CSMD1: variants seen among roughly 807,000 people sequenced by gnomAD.
CSMD1 encodes CUB and sushi domain-containing protein 1.
A neutral mutation model predicts 417.5 loss-of-function variants in CSMD1; 213 were observed. The ratio of observed to expected loss-of-function variants is 0.51; its 90% CI spans 0.46 to 0.57. CSMD1 has a LOEUF of 0.57. Among genes scored for constraint, CSMD1 ranks in the 20% least tolerant of loss-of-function variants. The pLI, the probability that CSMD1 is intolerant of heterozygous loss-of-function variation, is 0.00. For missense variants in CSMD1, 6,923 were observed against 4,529.7 expected (o/e 1.53, Z -15.17); for synonymous variants, 2,862 against 1,736.8 (o/e 1.65, Z -16.11).
chr8:3,671,534 T>TG (rs1799049817), intron 7 of CSMD1, among the ~76,000 whole-genome samples: 1 of 9,418 alleles, frequency 1.1e-4, no homozygotes, highest in Non-Finnish European at 2.0e-4. Flanking sequence ...TGATCATATA[T>TG]ATATATATAT....
At chr8:4,110,432 T>C (rs1801791217) in intron 3 of CSMD1, among the ~76,000 whole-genome samples, 1 of 152,148 alleles carries the variant, frequency 6.6e-6, no homozygotes, top group Non-Finnish European at 1.5e-5. Flanking sequence ...ATCTACATTT[T>C]CATTACTTTT....
At chr8:4,045,184 G>C (rs570129416) in intron 3 of CSMD1, among the ~76,000 whole-genome samples, 14 of 152,246 alleles carry the variant, frequency 9.2e-5, no homozygotes, top group Non-Finnish European at 2.1e-4. Flanking sequence ...CGGGTGCTGA[G>C]GTACTCATCT....
At chr8:4,230,015 G>T (rs973084524) in intron 3 of CSMD1, among the ~76,000 whole-genome samples, 1 of 152,136 alleles carries the variant, frequency 6.6e-6, no homozygotes, top group African/African-American at 2.4e-5. Context: ...ATATGATTTT[G>T]CTATTCAACA....
intron 1 of CSMD1, among the ~76,000 whole-genome samples, chr8:4,733,682 C>T (rs543887432): frequency 6.6e-6 from 1 of 152,306 alleles, no homozygotes; most frequent in Non-Finnish European, 1.5e-5. Flanking sequence ...TCACTGACTA[C>T]CTATTTTTCC....
intron 42 of CSMD1, among the ~76,000 whole-genome samples, chr8:3,110,632 G>C (rs1274509729): frequency 1.3e-5 from 2 of 152,084 alleles, no homozygotes; most frequent in Non-Finnish European, 2.9e-5. Flanking sequence ...GTTAACACTT[G>C]TGACCTGCTG....
chr8:3,236,424 T>C (rs937335651), intron 26 of CSMD1, among the ~76,000 whole-genome samples: 2 of 152,126 alleles, frequency 1.3e-5, no homozygotes, highest in Non-Finnish European at 2.9e-5. Flanking sequence ...AAAAAACCAA[T>C]AAGAAGGCTT....
At chr8:3,016,266 A>G (rs940004712) in intron 52 of CSMD1, among the ~76,000 whole-genome samples, 2 of 152,192 alleles carry the variant, frequency 1.3e-5, no homozygotes, top group African/African-American at 4.8e-5. Context: ...ATTTGTGTAG[A>G]TTTAGGATTG....
At chr8:4,787,189 C>G in intron 1 of CSMD1, 1 of 435,748 alleles carries the variant, frequency 2.3e-6, no homozygotes. Context: ...GAAAGAGTGG[C>G]GCAGGGTCGC....
intron 3 of CSMD1, among the ~76,000 whole-genome samples, chr8:4,087,907 G>T (rs1358463903): frequency 6.6e-6 from 1 of 152,108 alleles, no homozygotes; most frequent in African/African-American, 2.4e-5. Context: ...TAGAAAAAAG[G>T]ATGCCTGAGG....
At chr8:3,434,439 C>T (rs1483820866) in intron 12 of CSMD1, among the ~76,000 whole-genome samples, 1 of 152,278 alleles carries the variant, frequency 6.6e-6, no homozygotes, top group Admixed American at 6.5e-5. Flanking sequence ...TTATTCCATA[C>T]AAGCCTATAT....
chr8:4,218,425 A>T (rs1309517563), intron 3 of CSMD1, among the ~76,000 whole-genome samples: 2 of 152,168 alleles, frequency 1.3e-5, no homozygotes, highest in African/African-American at 4.8e-5. Context: ...TATATTATAT[A>T]CCTACTTTTA....
chr8:3,912,784 A>T (rs1201672912), intron 5 of CSMD1, among the ~76,000 whole-genome samples: 1 of 152,214 alleles, frequency 6.6e-6, no homozygotes, highest in Admixed American at 6.5e-5. Context: ...ACACGAAGGC[A>T]TGCAATGCTA....
At chr8:4,354,865 AGT>A (rs59255397) in intron 3 of CSMD1, among the ~76,000 whole-genome samples, 7,689 of 129,372 alleles carry the variant, frequency 0.059, 259 homozygotes, top group Middle Eastern at 0.11. Flanking sequence ...AGGAAAATGT[AGT>A]GTGTGTGTGT....
At chr8:4,401,366 A>T (rs890266412) in intron 3 of CSMD1, among the ~76,000 whole-genome samples, 1 of 152,202 alleles carries the variant, frequency 6.6e-6, no homozygotes, top group Non-Finnish European at 1.5e-5. Flanking sequence ...ATTACATTTT[A>T]TTCACCAAAG....
At chr8:4,322,191 C>T (rs1799306408) in intron 3 of CSMD1, among the ~76,000 whole-genome samples, 1 of 152,134 alleles carries the variant, frequency 6.6e-6, no homozygotes, top group Non-Finnish European at 1.5e-5. Context: ...TTAACAATTT[C>T]CTTTCACTCT....
At chr8:4,467,421 A>C (rs1332576212) in intron 2 of CSMD1, among the ~76,000 whole-genome samples, 2 of 151,572 alleles carry the variant, frequency 1.3e-5, no homozygotes, top group African/African-American at 4.9e-5. Context: ...TTTCCGTCTT[A>C]GACTACCAAG....
intron 10 of CSMD1, among the ~76,000 whole-genome samples, chr8:3,558,486 CAATGATG>C: frequency 6.6e-6 from 1 of 151,064 alleles, no homozygotes. Context: ...TCCACTCCTC[CAATGATG>C]AACGGTGCCT....
At chr8:4,529,327 G>T (rs554425581) in intron 2 of CSMD1, among the ~76,000 whole-genome samples, 2 of 152,122 alleles carry the variant, frequency 1.3e-5, no homozygotes, top group African/African-American at 4.8e-5. Flanking sequence ...AAAATTACAA[G>T]AATCCAGCTG....
At chr8:3,131,756 G>T (rs985208910) in intron 41 of CSMD1, among the ~76,000 whole-genome samples, 2 of 152,142 alleles carry the variant, frequency 1.3e-5, no homozygotes, top group African/African-American at 4.8e-5. Context: ...ACAAGCATGA[G>T]CCACTGTGCC....
Sources: allele counts gnomAD v4.1 joint callset (sites outside exome capture counted in the v4.1 genomes callset), GRCh38; gene constraint gnomAD v4.1.1; transcripts MANE v1.5; gene names NCBI Gene and HGNC (gene_info 2026-07-23, HGNC 2026-07-21).